The following PRDM5 variants were observed in gnomAD, a reference collection of about 807,000 sequenced individuals.
PRDM5 encodes the protein PR domain zinc finger protein 5.
PRDM5 carries 56 observed loss-of-function variants against 81.2 expected under a neutral mutation model. The ratio of observed to expected loss-of-function variants is 0.69; its 90% CI spans 0.56 to 0.86. PRDM5 has a LOEUF of 0.86. Among genes scored for constraint, PRDM5 ranks in the 40% least tolerant of loss-of-function variants. The pLI, the probability that PRDM5 is intolerant of heterozygous loss-of-function variation, is 0.00. For missense variants in PRDM5, 697 were observed against 770.1 expected (o/e 0.91, Z 1.12); for synonymous variants, 267 against 256.4 (o/e 1.04, Z -0.39).
intron 15 of PRDM5, among the ~76,000 whole-genome samples, chr4:120,701,479 C>A (rs1735358570): frequency 6.6e-6 from 1 of 152,108 alleles, no homozygotes; most frequent in Non-Finnish European, 1.5e-5. Flanking sequence ...TGCATATACA[C>A]CATGGAATAC....
intron 2 of PRDM5, among the ~76,000 whole-genome samples, chr4:120,855,595 A>AT (rs1268977624): frequency 6.6e-6 from 1 of 152,174 alleles, no homozygotes; most frequent in Admixed American, 6.6e-5. Context: ...GTCAGTTCAC[A>AT]TTTTTTTGGC....
intron 2 of PRDM5, among the ~76,000 whole-genome samples, chr4:120,861,069 G>A (rs1760514210): frequency 6.6e-6 from 1 of 152,170 alleles, no homozygotes; most frequent in Admixed American, 6.5e-5. Flanking sequence ...GTGCAGAGGT[G>A]CAATCTTGGC....
chr4:120,754,441 T>TATACAACTGTCATAAATATAGGCA, intron 14 of PRDM5, 112 bp downstream of exon 14: 1 of 678,700 alleles, frequency 1.5e-6, no homozygotes. Context: ...TAAATATAGA[T>TATACAACTGTCATAAATATAGGCA]ATACAACTTC....
At chr4:120,893,525 T>C (rs879874505) in intron 2 of PRDM5, among the ~76,000 whole-genome samples, 1 of 152,264 alleles carries the variant, frequency 6.6e-6, no homozygotes, top group Non-Finnish European at 1.5e-5. Context: ...GTTAATTTGG[T>C]AAGTGTTCCA....
At chr4:120,788,925 C>A (rs1300977862) in intron 10 of PRDM5, among the ~76,000 whole-genome samples, 1 of 152,196 alleles carries the variant, frequency 6.6e-6, no homozygotes, top group Non-Finnish European at 1.5e-5. Context: ...AAGATGCTTG[C>A]ATGTTGCAAA....
intron 3 of PRDM5, among the ~76,000 whole-genome samples, chr4:120,843,134 C>T (rs939099718): frequency 6.6e-6 from 1 of 152,042 alleles, no homozygotes; most frequent in Admixed American, 6.6e-5. Flanking sequence ...GAGTTTGAGA[C>T]CAGCCTGGCC....
intron 14 of PRDM5, among the ~76,000 whole-genome samples, chr4:120,727,846 GA>G (rs1739658767): frequency 6.6e-6 from 1 of 151,768 alleles, no homozygotes; most frequent in Admixed American, 6.6e-5. Context: ...TGAGGCAGGG[GA>G]ATCGCTTGAA....
chr4:120,805,080 CA>C (rs1167812372), intron 8 of PRDM5, among the ~76,000 whole-genome samples: 1 of 152,154 alleles, frequency 6.6e-6, no homozygotes, highest in East Asian at 1.9e-4. Context: ...CGCCTCTACG[CA>C]AATAAACTAG....
At position 120,835,370 on chromosome 4, in the gene PRDM5, A is replaced by C. The variant is rs142870932; in HGVS notation, c.301-14025T>G. On this transcript the variant is annotated intron_variant, in intron 3 of 15. Coordinates refer to ENST00000264808, the MANE Select transcript of PRDM5 (RefSeq NM_018699.4). ...AAAATGTGTCTGTGTGTGCATGCAC[A>C]TGTGTGCCTATGCCTGTGTGCATGC... Among the ~76,000 whole-genome samples, 383 of 152,340 alleles carry C rather than the reference A, an allele frequency of 2.5e-3. 2 individuals carry two copies. Among genetic ancestry groups the C allele is most frequent in the African/African-American group, 8.8e-3 (366 of 41,586 alleles).
chr4:120,819,951 G>C (rs552804569), intron 4 of PRDM5, among the ~76,000 whole-genome samples: 1 of 152,258 alleles, frequency 6.6e-6, no homozygotes, highest in East Asian at 1.9e-4. Context: ...CATGCAGTTA[G>C]AACAGAAAAA....
chr4:120,755,534 C>G (rs538894389), intron 13 of PRDM5, among the ~76,000 whole-genome samples: 1 of 150,174 alleles, frequency 6.7e-6, no homozygotes, highest in Admixed American at 6.6e-5. Context: ...GGCCTTCTGA[C>G]TAGCAGTGTA....
intron 15 of PRDM5, among the ~76,000 whole-genome samples, chr4:120,696,411 A>C (rs1734522010): frequency 6.6e-6 from 1 of 152,130 alleles, no homozygotes; most frequent in African/African-American, 2.4e-5. Context: ...TACTCACTAG[A>C]GTCTCAGCTC....
chr4:120,846,804 G>A (rs1394580069), intron 3 of PRDM5, among the ~76,000 whole-genome samples: 1 of 152,090 alleles, frequency 6.6e-6, no homozygotes, highest in Non-Finnish European at 1.5e-5. Context: ...TGCTATGAAG[G>A]CAAGAGCTAG....
chr4:120,715,801 T>C (rs1737653363), intron 14 of PRDM5, among the ~76,000 whole-genome samples: 1 of 152,142 alleles, frequency 6.6e-6, no homozygotes, highest in Non-Finnish European at 1.5e-5. Context: ...AGGTGAGGGT[T>C]TTGCAGAGAA....
At chr4:120,863,189 T>C (rs111551599) in intron 2 of PRDM5, among the ~76,000 whole-genome samples, 20 of 37,358 alleles carry the variant, frequency 5.4e-4, no homozygotes, top group South Asian at 1.0e-3. Context: ...TATATATATA[T>C]ATACACACAC....
chr4:120,698,270 C>T (rs1734809629), intron 15 of PRDM5, among the ~76,000 whole-genome samples: 1 of 152,190 alleles, frequency 6.6e-6, no homozygotes, highest in African/African-American at 2.4e-5. Flanking sequence ...AATCCTGGCA[C>T]TTTTGAGCCC....
At chr4:120,877,679 C>G (rs1762456128) in intron 2 of PRDM5, among the ~76,000 whole-genome samples, 1 of 152,186 alleles carries the variant, frequency 6.6e-6, no homozygotes, top group Non-Finnish European at 1.5e-5. Context: ...GTGGCACAGT[C>G]ATTTGATCCC....
intron 2 of PRDM5, among the ~76,000 whole-genome samples, chr4:120,886,867 C>T (rs950105129): frequency 2.0e-5 from 3 of 152,118 alleles, no homozygotes; most frequent in Non-Finnish European, 4.4e-5. Context: ...TATATAACTG[C>T]CCTATCTCAG....
intron 2 of PRDM5, among the ~76,000 whole-genome samples, chr4:120,872,323 T>C (rs1269883803): frequency 6.6e-6 from 1 of 151,866 alleles, no homozygotes; most frequent in African/African-American, 2.4e-5. Context: ...AATGAATGGA[T>C]AAACAACATG....
Sources: gnomAD v4.1 joint callset for allele counts (sites outside exome capture counted in the v4.1 genomes callset) on GRCh38, gnomAD v4.1.1 for gene constraint, MANE v1.5 for transcripts, NCBI Gene and HGNC (gene_info 2026-07-23, HGNC 2026-07-21) for gene names.